The following SOX5 variants were observed in gnomAD, a reference collection of about 807,000 sequenced individuals.
The protein encoded by SOX5 is transcription factor SOX-5.
SOX5 carries 9 observed loss-of-function variants against 92.0 expected under a neutral mutation model. The ratio of observed to expected loss-of-function variants is 0.10; its 90% CI spans 0.06 to 0.17. The LOEUF (loss-of-function observed/expected upper bound fraction) is 0.17, where lower values mean the gene tolerates loss of function less well. Among genes scored for constraint, SOX5 ranks in the 10% least tolerant of loss-of-function variants. SOX5 has a pLI of 1.00. For missense variants in SOX5, 642 were observed against 944.5 expected, an observed-to-expected ratio of 0.68 and a Z score of 4.20; for synonymous variants, 344 against 336.3, an observed-to-expected ratio of 1.02 and a Z score of -0.25.
intron 6 of SOX5, among the ~76,000 whole-genome samples, chr12:23,692,815 G>T (rs1390238318): frequency 6.6e-6 from 1 of 152,074 alleles, no homozygotes; most frequent in African/African-American, 2.4e-5. Context: ...TCTCTCTGAG[G>T]TTCTCTCAAG....
intron 1 of SOX5, among the ~76,000 whole-genome samples, chr12:24,499,750 C>A (rs1948007346): frequency 7.5e-6 from 1 of 134,154 alleles, no homozygotes. Context: ...CACTAAAAAT[C>A]TGCCTTTTTT....
At chr12:24,031,677 A>T (rs552959798) in intron 4 of SOX5, among the ~76,000 whole-genome samples, 2 of 151,958 alleles carry the variant, frequency 1.3e-5, no homozygotes, top group Admixed American at 1.3e-4. Flanking sequence ...CTCTGTGTTA[A>T]CCCATAAAAA....
At chr12:24,219,911 G>A (rs1959994397) in intron 3 of SOX5, among the ~76,000 whole-genome samples, 1 of 152,136 alleles carries the variant, frequency 6.6e-6, no homozygotes, top group Non-Finnish European at 1.5e-5. Flanking sequence ...GGATCACACA[G>A]ATGTAAGCTT....
At chr12:23,928,049 A>G (rs1032359585) in intron 1 of SOX5, among the ~76,000 whole-genome samples, 7 of 152,042 alleles carry the variant, frequency 4.6e-5, no homozygotes, top group Non-Finnish European at 7.4e-5. Context: ...ACAGTCATGG[A>G]GCTCCCCAGT....
intron 3 of SOX5, among the ~76,000 whole-genome samples, chr12:24,219,467 A>G (rs1428402298): frequency 6.6e-6 from 1 of 152,102 alleles, no homozygotes; most frequent in Non-Finnish European, 1.5e-5. Context: ...CAAACTTCTA[A>G]AAACATCAAA....
rs75683928 is a variant in SOX5, at chr12:23,703,557, T to C, written c.810+31127A>G. On this transcript the variant is annotated intron_variant, in intron 6 of 14. Transcript: ENST00000451604. ...CAGAGAATGAAATAAGGTAAAATTG[T>C]TTCCCATCTGACATCCCAGACACTA... 1.5e-3 allele frequency among the ~76,000 whole-genome samples: 224 copies of C among 152,104 alleles called. 1 individual carries two copies. In the East Asian group the frequency reaches 0.038, roughly 26 times the overall value.
intron 7 of SOX5, among the ~76,000 whole-genome samples, chr12:23,665,098 T>C (rs956324757): frequency 6.6e-6 from 1 of 152,182 alleles, no homozygotes; most frequent in African/African-American, 2.4e-5. Flanking sequence ...TCATTCATGT[T>C]AGGGAATTTG....
chr12:24,348,432 G>A (rs537989166), intron 2 of SOX5, among the ~76,000 whole-genome samples: 1 of 151,452 alleles, frequency 6.6e-6, no homozygotes, highest in Non-Finnish European at 1.5e-5. Flanking sequence ...GCCCAGGCTG[G>A]AGAGCAGTGG....
chr12:24,511,284 C>G (rs2138312793), intron 1 of SOX5, among the ~76,000 whole-genome samples: 1 of 152,258 alleles, frequency 6.6e-6, no homozygotes, highest in Non-Finnish European at 1.5e-5. Context: ...TTTTAATTTT[C>G]TAAATTAACA....
chr12:23,660,837 G>A (rs1473608003), intron 7 of SOX5, among the ~76,000 whole-genome samples: 1 of 152,084 alleles, frequency 6.6e-6, no homozygotes, highest in Non-Finnish European at 1.5e-5. Flanking sequence ...ATATCCAACT[G>A]CTCAATTTTA....
chr12:23,651,866 T>C (rs1436990168), intron 7 of SOX5, among the ~76,000 whole-genome samples: 3 of 151,954 alleles, frequency 2.0e-5, no homozygotes, highest in Non-Finnish European at 2.9e-5. Flanking sequence ...TAGCCTGTAG[T>C]TGAACCCATT....
chr12:23,761,194 G>C (rs2094553056), intron 3 of SOX5, among the ~76,000 whole-genome samples: 1 of 152,066 alleles, frequency 6.6e-6, no homozygotes. Flanking sequence ...AAGAATTATA[G>C]AGCTGAAAAG....
intron 5 of SOX5, among the ~76,000 whole-genome samples, chr12:23,739,763 T>C (rs1379091760): frequency 6.6e-6 from 1 of 152,230 alleles, no homozygotes; most frequent in South Asian, 2.1e-4. Context: ...CTTTTGTATG[T>C]CATTTAGATC....
intron 4 of SOX5, among the ~76,000 whole-genome samples, chr12:24,107,484 A>G (rs568260082): frequency 2.6e-5 from 4 of 152,340 alleles, no homozygotes; most frequent in South Asian, 4.1e-4. Context: ...ATTTTAACAA[A>G]CTGCCACTTA....
At chr12:24,544,100 T>A (rs985898416) in intron 1 of SOX5, among the ~76,000 whole-genome samples, 1 of 152,196 alleles carries the variant, frequency 6.6e-6, no homozygotes, top group Admixed American at 6.5e-5. Flanking sequence ...AAGCAACCAG[T>A]ATCTCATGAG....
At chr12:24,155,087 G>A (rs941244491) in intron 4 of SOX5, among the ~76,000 whole-genome samples, 1 of 151,996 alleles carries the variant, frequency 6.6e-6, no homozygotes, top group Non-Finnish European at 1.5e-5. Flanking sequence ...AGGCATCATC[G>A]TACGCTAAGC....
At chr12:24,344,043 G>A (rs1952896132) in intron 2 of SOX5, among the ~76,000 whole-genome samples, 1 of 152,088 alleles carries the variant, frequency 6.6e-6, no homozygotes, top group African/African-American at 2.4e-5. Context: ...TCAGCACTTT[G>A]GGAGGCCGAG....
At chr12:24,338,456 G>T (rs1438133086) in intron 2 of SOX5, among the ~76,000 whole-genome samples, 1 of 152,142 alleles carries the variant, frequency 6.6e-6, no homozygotes, top group East Asian at 1.9e-4. Flanking sequence ...GTAGAAAAGT[G>T]AAATGAATAT....
In SOX5 at chr12:23,599,702, C is replaced by T. The variant is rs1485745418; in HGVS notation, c.1164+4685G>A. Among the ~76,000 whole-genome samples, 3 of 152,148 alleles carry T rather than the reference C, an allele frequency of 2.0e-5. No individual in the cohort carries two copies. In the East Asian group the frequency reaches 5.8e-4, roughly 29 times the overall value. ...TGTGAAGTTTGGATGTTTAGCACAC[C>T]TATAACATTTGAGGACTTCTTGATA... On this transcript the variant is annotated intron_variant, in intron 9 of 14. Transcript: ENST00000451604.
Sources: gnomAD v4.1 joint callset for allele counts (sites outside exome capture counted in the v4.1 genomes callset) on GRCh38, gnomAD v4.1.1 for gene constraint, MANE v1.5 for transcripts, NCBI Gene and HGNC (gene_info 2026-07-23, HGNC 2026-07-21) for gene names.